The following PTPRK variants were observed in gnomAD, a reference collection of about 807,000 sequenced individuals.
The protein encoded by PTPRK is receptor-type tyrosine-protein phosphatase kappa.
Under a neutral mutation model 178.0 loss-of-function variants are expected in PTPRK, and 75 were observed. The ratio of observed to expected loss-of-function variants is 0.42; its 90% CI spans 0.35 to 0.51. The LOEUF (loss-of-function observed/expected upper bound fraction) is 0.51, where lower values mean the gene tolerates loss of function less well. PTPRK is among the 20% of genes least tolerant of loss of function. The pLI is 0.02. For missense variants in PTPRK, 1,441 were observed against 1,797.8 expected, an observed-to-expected ratio of 0.80 and a Z score of 3.59; for synonymous variants, 637 against 620.6, an observed-to-expected ratio of 1.03 and a Z score of -0.39.
chr6:128,191,944 G>A (rs1803873065), intron 6 of PTPRK, among the ~76,000 whole-genome samples: 1 of 152,180 alleles, frequency 6.6e-6, no homozygotes, highest in South Asian at 2.1e-4. Flanking sequence ...TATTCACACT[G>A]GCTTGACTGT....
intron 1 of PTPRK, among the ~76,000 whole-genome samples, chr6:128,418,662 AC>A (rs1843108077): frequency 1.3e-5 from 2 of 152,052 alleles, no homozygotes. Flanking sequence ...GTTGTGAACC[AC>A]TGTCCTAAAG....
At chr6:128,051,383 T>C (rs1375382116) in intron 13 of PTPRK, among the ~76,000 whole-genome samples, 1 of 152,232 alleles carries the variant, frequency 6.6e-6, no homozygotes, top group Non-Finnish European at 1.5e-5. Context: ...CTCCAGTTCA[T>C]GCTAAAGTCT....
intron 2 of PTPRK, among the ~76,000 whole-genome samples, chr6:128,375,958 T>C (rs945242401): frequency 4.6e-5 from 7 of 152,196 alleles, no homozygotes; most frequent in Non-Finnish European, 8.8e-5. Flanking sequence ...TGGGTTCCCA[T>C]GGTCTTGGGC....
At chr6:128,424,322 G>A (rs968482260) in intron 1 of PTPRK, among the ~76,000 whole-genome samples, 3 of 152,142 alleles carry the variant, frequency 2.0e-5, no homozygotes, top group East Asian at 1.9e-4. Flanking sequence ...TAGTGGCTGC[G>A]GAAAAGTCAT....
intron 7 of PTPRK, among the ~76,000 whole-genome samples, chr6:128,183,473 A>C (rs2114693518): frequency 6.6e-6 from 1 of 152,296 alleles, no homozygotes; most frequent in African/African-American, 2.4e-5. Context: ...GAGAAGTTAA[A>C]TTTCCTATTA....
intron 2 of PTPRK, among the ~76,000 whole-genome samples, chr6:128,346,153 G>T (rs1360676598): frequency 6.6e-6 from 1 of 152,020 alleles, no homozygotes; most frequent in East Asian, 1.9e-4. Flanking sequence ...TGTCTTCCCT[G>T]CCATGCTCTG....
chr6:127,995,708 A>ACACTT (rs1242318372), intron 17 of PTPRK, among the ~76,000 whole-genome samples, 170 bp from the exon 18 acceptor site: 2 of 152,088 alleles, frequency 1.3e-5, no homozygotes, highest in Non-Finnish European at 2.9e-5. Context: ...CCTTGCTATT[A>ACACTT]CACTTATAAT....
At chr6:128,111,554 A>G (rs1790663774) in intron 7 of PTPRK, among the ~76,000 whole-genome samples, 1 of 152,192 alleles carries the variant, frequency 6.6e-6, no homozygotes, top group South Asian at 2.1e-4. Context: ...TATGAAACAA[A>G]TATCATTTTT....
intron 3 of PTPRK, among the ~76,000 whole-genome samples, chr6:128,289,706 C>T (rs1385072299): frequency 6.6e-6 from 1 of 151,972 alleles, no homozygotes; most frequent in Admixed American, 6.6e-5. Flanking sequence ...ACCTTTGCCA[C>T]CGTAATATAC....
intron 5 of PTPRK, among the ~76,000 whole-genome samples, chr6:128,223,537 T>A (rs1810780976): frequency 6.6e-6 from 1 of 152,012 alleles, no homozygotes; most frequent in African/African-American, 2.4e-5. Context: ...TATAAATACA[T>A]ATGCTTATAT....
At chr6:128,108,435 T>A (rs1023125176) in intron 7 of PTPRK, among the ~76,000 whole-genome samples, 3 of 152,098 alleles carry the variant, frequency 2.0e-5, no homozygotes, top group African/African-American at 7.2e-5. Flanking sequence ...TTAGTACCCA[T>A]AAGAACTCTA....
Position 128,322,150 on chromosome 6 carries a change from C to T in PTPRK, c.384G>A (p.Arg128=). 1.9e-6 allele frequency: 3 copies of T among 1,613,878 alleles called. No individual in the cohort carries two copies. Among genetic ancestry groups the T allele is most frequent in the Non-Finnish European group, 8.5e-7 (1 of 1,179,880 alleles). ...LNPGTLNILV[R]VNKGPLANPI... ...GATTGGCAAGAGGTCCTTTATTCAC[C>T]CTAACTAATATGTTCAAAGTGCCAG... Residue 128 remains arginine (R), a synonymous_variant, in exon 3 of 30, where the codon AGG becomes AGA. Coordinates refer to ENST00000368226, the MANE Select transcript of PTPRK (RefSeq NM_002844.4).
At chr6:128,070,370 G>C (rs1477955642) in intron 11 of PTPRK, among the ~76,000 whole-genome samples, 3 of 151,938 alleles carry the variant, frequency 2.0e-5, no homozygotes, top group Non-Finnish European at 4.4e-5. Flanking sequence ...ATAGTATTTG[G>C]AGAGGGGGCC....
intron 1 of PTPRK, among the ~76,000 whole-genome samples, chr6:128,481,331 C>A (rs1395732864): frequency 6.6e-6 from 1 of 152,066 alleles, no homozygotes; most frequent in East Asian, 1.9e-4. Context: ...AATTCTATAT[C>A]TTTTTTCATA....
At chr6:128,162,985 G>A (rs958526582) in intron 7 of PTPRK, among the ~76,000 whole-genome samples, 3 of 151,284 alleles carry the variant, frequency 2.0e-5, no homozygotes, top group Admixed American at 6.6e-5. Context: ...TAATGTTAAT[G>A]TTTAATATTC....
intron 7 of PTPRK, among the ~76,000 whole-genome samples, chr6:128,126,579 C>A (rs1181689692): frequency 6.6e-6 from 1 of 152,016 alleles, no homozygotes; most frequent in African/African-American, 2.4e-5. Flanking sequence ...CTCAACTGCC[C>A]GGGTGCAAGC....
intron 13 of PTPRK, among the ~76,000 whole-genome samples, chr6:128,053,182 A>C (rs867143263): frequency 7.9e-6 from 1 of 127,252 alleles, no homozygotes; most frequent in Non-Finnish European, 1.8e-5. Context: ...ACACACACAC[A>C]CCCCTATACA....
intron 9 of PTPRK, 145 bp from the exon 10 acceptor site, chr6:128,082,783 T>C (rs756468510): frequency 3.6e-6 from 2 of 558,350 alleles, no homozygotes; most frequent in Non-Finnish European, 6.1e-6. Context: ...ATGTTGATAT[T>C]GTTATTTCTG....
intron 7 of PTPRK, among the ~76,000 whole-genome samples, chr6:128,119,822 C>T (rs190211263): frequency 6.6e-6 from 1 of 151,970 alleles, no homozygotes; most frequent in Non-Finnish European, 1.5e-5. Context: ...AACCGATGGA[C>T]ATATTTTAAA....
Sources: gnomAD v4.1 joint callset for allele counts (sites outside exome capture counted in the v4.1 genomes callset) on GRCh38, gnomAD v4.1.1 for gene constraint, MANE v1.5 for transcripts, NCBI Gene and HGNC (gene_info 2026-07-23, HGNC 2026-07-21) for gene names.